MAML3: variants seen among roughly 807,000 people sequenced by gnomAD.
MAML3 encodes mastermind-like protein 3.
Under a neutral mutation model 101.9 loss-of-function variants are expected in MAML3, and 27 were observed. The observed-to-expected ratio is 0.27, with a 90% CI of 0.20 to 0.37. The LOEUF is 0.37. Ranked by LOEUF, MAML3 falls within the 10% of genes least tolerant of loss-of-function variation. MAML3 has a pLI of 1.00. For synonymous variants in MAML3, 501 were observed against 555.9 expected (o/e 0.90, Z 1.39); for missense variants, 1,316 against 1,444.9 (o/e 0.91, Z 1.45).
intron 1 of MAML3, among the ~76,000 whole-genome samples, chr4:139,924,991 CT>C (rs5862445): frequency 0.065 from 9,762 of 150,892 alleles, 992 homozygotes; most frequent in African/African-American, 0.21. Flanking sequence ...TTTCGCTAAA[CT>C]TTTTTTTTTC....
chr4:139,747,101 G>A (rs1729350237), intron 2 of MAML3, among the ~76,000 whole-genome samples: 1 of 152,358 alleles, frequency 6.6e-6, no homozygotes, highest in South Asian at 2.1e-4. Context: ...CAAAGGGGTT[G>A]AGGATGGAGG....
At chr4:139,791,245 C>T (rs1184049263) in intron 2 of MAML3, among the ~76,000 whole-genome samples, 2 of 152,122 alleles carry the variant, frequency 1.3e-5, no homozygotes, top group Non-Finnish European at 2.9e-5. Context: ...GCCTGTAATC[C>T]CAGCACTTTG....
At chr4:139,988,441 A>G (rs1217428294) in intron 1 of MAML3, among the ~76,000 whole-genome samples, 1 of 152,148 alleles carries the variant, frequency 6.6e-6, no homozygotes, top group East Asian at 1.9e-4. Context: ...AACGCCTTAG[A>G]AGAGTTGTCC....
chr4:139,911,060 C>T (rs925867142), intron 1 of MAML3, among the ~76,000 whole-genome samples: 28 of 152,142 alleles, frequency 1.8e-4, no homozygotes, highest in African/African-American at 5.3e-4. Flanking sequence ...CTCCATTCCC[C>T]GGACTCTGGC....
In MAML3 at chr4:139,896,420, T is replaced by C. The variant is rs138502452; in HGVS notation, c.469-5453A>G. Among the ~76,000 whole-genome samples, 11 of 152,340 alleles carry C rather than the reference T, an allele frequency of 7.2e-5. No homozygotes were observed. The East Asian group carries it at 1.9e-3, about 27-fold the overall frequency. On this transcript the variant is annotated intron_variant, in intron 1 of 4. Transcript: ENST00000509479. Reference sequence around the variant, plus strand: ...GCTCTTGTATTACTATTATTACATATAAATGTTTTCTCCCATTAGGTGAAG... The same window carrying C: ...GCTCTTGTATTACTATTATTACATACAAATGTTTTCTCCCATTAGGTGAAG...
At chr4:139,775,058 G>A (rs1486937785) in intron 2 of MAML3, among the ~76,000 whole-genome samples, 1 of 152,162 alleles carries the variant, frequency 6.6e-6, no homozygotes, top group Non-Finnish European at 1.5e-5. Context: ...AAGAGGAAAA[G>A]TCACCATGAC....
chr4:139,768,800 C>G (rs1345172849), intron 2 of MAML3, among the ~76,000 whole-genome samples: 3 of 152,226 alleles, frequency 2.0e-5, no homozygotes, highest in African/African-American at 7.2e-5. Flanking sequence ...TATCGTGGCT[C>G]TCTTGGACCA....
At chr4:139,892,201 T>C (rs940850585) in intron 1 of MAML3, among the ~76,000 whole-genome samples, 1 of 152,214 alleles carries the variant, frequency 6.6e-6, no homozygotes. Flanking sequence ...AATCCAATGT[T>C]CTCCTGCTGG....
chr4:139,930,943 G>A (rs1361419613), intron 1 of MAML3, among the ~76,000 whole-genome samples: 1 of 152,026 alleles, frequency 6.6e-6, no homozygotes, highest in Non-Finnish European at 1.5e-5. Flanking sequence ...TGACAGAGAT[G>A]AGAAAGACTG....
At chr4:139,973,111 C>A (rs1306667958) in intron 1 of MAML3, among the ~76,000 whole-genome samples, 2 of 152,166 alleles carry the variant, frequency 1.3e-5, no homozygotes, top group Non-Finnish European at 2.9e-5. Context: ...AGTGTTTAGC[C>A]ATAAATCAAG....
intron 1 of MAML3, among the ~76,000 whole-genome samples, chr4:140,044,943 TG>T (rs1379734087): frequency 6.6e-6 from 1 of 152,052 alleles, no homozygotes. Flanking sequence ...TCTCCTTATG[TG>T]CAACAAAAGT....
intron 1 of MAML3, among the ~76,000 whole-genome samples, chr4:140,142,535 T>G (rs1467772227): frequency 6.6e-6 from 1 of 152,242 alleles, no homozygotes; most frequent in Non-Finnish European, 1.5e-5. Context: ...CAAAGCAGCC[T>G]ATTTCATCTT....
chr4:140,025,517 A>G (rs1357149921), intron 1 of MAML3, among the ~76,000 whole-genome samples: 2 of 152,206 alleles, frequency 1.3e-5, no homozygotes, highest in Admixed American at 1.3e-4. Context: ...GATAGATAAA[A>G]TTATTTAAAA....
chr4:139,875,608 A>G (rs1732100538), intron 2 of MAML3, among the ~76,000 whole-genome samples: 1 of 152,144 alleles, frequency 6.6e-6, no homozygotes. Flanking sequence ...TCCTGACCTC[A>G]CAGCAGGATG....
chr4:140,035,713 G>T (rs1426013461), intron 1 of MAML3, among the ~76,000 whole-genome samples: 1 of 151,884 alleles, frequency 6.6e-6, no homozygotes, highest in East Asian at 1.9e-4. Context: ...AACCCGGGAG[G>T]TGGAGGTTGC....
intron 2 of MAML3, among the ~76,000 whole-genome samples, chr4:139,804,512 C>T (rs1487132405): frequency 6.6e-6 from 1 of 151,964 alleles, no homozygotes; most frequent in Non-Finnish European, 1.5e-5. Flanking sequence ...AGTGATCTAC[C>T]CACTTTGGCC....
intron 1 of MAML3, among the ~76,000 whole-genome samples, chr4:140,108,820 A>C (rs1728394226): frequency 6.6e-6 from 1 of 152,074 alleles, no homozygotes; most frequent in African/African-American, 2.4e-5. Context: ...GAAATGTCAG[A>C]AGCTGGGGCC....
chr4:139,851,676 A>G (rs1273415318), intron 2 of MAML3, among the ~76,000 whole-genome samples: 1 of 152,256 alleles, frequency 6.6e-6, no homozygotes, highest in African/African-American at 2.4e-5. Context: ...TGGAAAATGG[A>G]TTTTGTGTAC....
chr4:140,141,442 AT>A (rs1370911678), intron 1 of MAML3, among the ~76,000 whole-genome samples: 1 of 152,168 alleles, frequency 6.6e-6, no homozygotes, highest in Non-Finnish European at 1.5e-5. Context: ...CAGACCTGAG[AT>A]TTTTATGACC....
Sources: allele counts gnomAD v4.1 joint callset (sites outside exome capture counted in the v4.1 genomes callset), GRCh38; gene constraint gnomAD v4.1.1; transcripts MANE v1.5; gene names NCBI Gene and HGNC (gene_info 2026-07-23, HGNC 2026-07-21).